TRAK2: variants seen among roughly 807,000 people sequenced by gnomAD.
TRAK2 encodes trafficking kinesin-binding protein 2.
Under a neutral mutation model 104.6 loss-of-function variants are expected in TRAK2, and 81 were observed. The ratio of observed to expected loss-of-function variants is 0.77; its 90% confidence interval spans 0.65 to 0.93. The LOEUF is 0.93. Ranked by LOEUF, TRAK2 falls within the 40% of genes least tolerant of loss-of-function variation. The pLI is 0.00. For synonymous variants in TRAK2, 406 were observed against 394.4 expected (o/e 1.03, Z -0.35); for missense variants, 1,002 against 1,089.0 (o/e 0.92, Z 1.12).
intron 1 of TRAK2, among the ~76,000 whole-genome samples, chr2:201,449,504 G>C (rs1951993275): frequency 9.1e-6 from 1 of 110,342 alleles, no homozygotes; most frequent in Non-Finnish European, 1.8e-5. Flanking sequence ...TTTTTTTTGA[G>C]ACTGAGTTTC....
chr2:201,432,045 T>G (rs1277076727), intron 1 of TRAK2, among the ~76,000 whole-genome samples: 1 of 152,236 alleles, frequency 6.6e-6, no homozygotes, highest in Non-Finnish European at 1.5e-5. Context: ...TTATTATTAG[T>G]ATTTCTATCA....
intron 10 of TRAK2, among the ~76,000 whole-genome samples, chr2:201,391,004 G>A (rs549189787): frequency 6.6e-6 from 1 of 151,894 alleles, no homozygotes; most frequent in Non-Finnish European, 1.5e-5. Context: ...TATAGTATAG[G>A]TATAGGTATG....
chr2:201,404,023 C>T (rs939028982), intron 3 of TRAK2, among the ~76,000 whole-genome samples: 3 of 152,170 alleles, frequency 2.0e-5, no homozygotes, highest in African/African-American at 7.2e-5. Context: ...TTTCTCTCTG[C>T]AGTGGAATCA....
chr2:201,450,191 T>C (rs966324309), intron 1 of TRAK2, among the ~76,000 whole-genome samples: 5 of 151,572 alleles, frequency 3.3e-5, no homozygotes, highest in African/African-American at 9.7e-5. Flanking sequence ...CCAAAGCGGG[T>C]GGATCATGAG....
chr2:201,412,562 AAT>A, intron 2 of TRAK2: 1 of 1,326,752 alleles, frequency 7.5e-7, no homozygotes, highest in Non-Finnish European at 1.1e-6. Context: ...GTTCCTAAAG[AAT>A]ATATATCACT....
intron 1 of TRAK2, among the ~76,000 whole-genome samples, chr2:201,437,028 C>G (rs1357618209): frequency 1.3e-5 from 2 of 152,106 alleles, no homozygotes; most frequent in Non-Finnish European, 2.9e-5. Flanking sequence ...AGACATAAGA[C>G]TCATTGTTTT....
rs2125638475 is a variant in TRAK2 at position 201,380,742 on chromosome 2, T to A, written c.2546A>T (p.Asn849Ile). 1 of 1,614,084 alleles carries A rather than the reference T, an allele frequency of 6.2e-7. No individual in the cohort carries two copies. The highest frequency in any genetic ancestry group is 8.5e-7 in the Non-Finnish European group (1 of 1,179,998). The change falls in exon 16 of 16, where the codon AAC becomes ATC. Residue 849 changes from asparagine to isoleucine, a missense_variant. Transcript: ENST00000332624. ...KRLGIARVVK[N>I]PGAQENGRCQ... ...TCTTCCATTCTCTTGGGCACCAGGG[T>A]TCTTGACCACTCTGGCTATCCCCAG...
chr2:201,425,924 C>T (rs981103196), intron 1 of TRAK2, among the ~76,000 whole-genome samples: 2 of 152,136 alleles, frequency 1.3e-5, no homozygotes, highest in African/African-American at 4.8e-5. Context: ...GAGAACTATG[C>T]CCACCACTCT....
chr2:201,429,427 A>G (rs2125658211), intron 1 of TRAK2, among the ~76,000 whole-genome samples: 1 of 152,314 alleles, frequency 6.6e-6, no homozygotes, highest in South Asian at 2.1e-4. Flanking sequence ...AGGTTGGGGA[A>G]GTTCTCCTGG....
chr2:201,410,806 A>G, intron 2 of TRAK2: 1 of 1,606,758 alleles, frequency 6.2e-7, no homozygotes, highest in Non-Finnish European at 8.5e-7. Context: ...AGGGCCAAAG[A>G]GATTATTAAG....
rs550884332 is a variant in TRAK2 at position 201,379,227 on chromosome 2, C to T, written c.*1316G>A. 1.7e-4 allele frequency: 26 copies of T among 152,232 alleles called. No homozygotes were observed. The highest frequency in any genetic ancestry group is 6.3e-4 in the African/African-American group (26 of 41,540). 9.4% of individuals were successfully genotyped at this position (152,232 alleles called of 1,614,324 possible). ...TGAGAAAAAACAGATCTACTTCTTT[C>T]CATTTCTTAGCCTGTGTCAACTGCT... On this transcript the variant is annotated 3_prime_UTR_variant, in exon 16 of 16. Transcript: ENST00000332624.
At chr2:201,451,319 A>C (rs1439595614) in intron 1 of TRAK2, 31 bp downstream of exon 1, 3 of 152,192 alleles carry the variant, frequency 2.0e-5, no homozygotes, top group Non-Finnish European at 4.4e-5. Context: ...GTCAAGGGCA[A>C]GTTCGGGTTC....
rs1951298957 is a variant in TRAK2 at position 201,377,461 on chromosome 2, C to T, written c.*3082G>A. On this transcript the variant is annotated 3_prime_UTR_variant, in exon 16 of 16. Coordinates refer to ENST00000332624, the MANE Select transcript of TRAK2 (RefSeq NM_015049.3). Reference sequence around the variant, plus strand: ...TGCATCTGACATCAGAGAAGTGGCCCACTAAACACTAAGAGCCCTAGTTCT... The same window carrying T: ...TGCATCTGACATCAGAGAAGTGGCCTACTAAACACTAAGAGCCCTAGTTCT... 1 of 152,186 alleles carries T rather than the reference C, an allele frequency of 6.6e-6. No individual in the cohort carries two copies. The highest frequency in any genetic ancestry group is 2.1e-4 in the South Asian group (1 of 4,832). The allele number at this position is 152,186 out of a possible 1,614,324, so 9.4% of individuals were successfully genotyped here.
At chr2:201,439,542 T>C (rs10497869) in intron 1 of TRAK2, among the ~76,000 whole-genome samples, 4,403 of 152,168 alleles carry the variant, frequency 0.029, 218 homozygotes, top group African/African-American at 0.1. Flanking sequence ...GAAAATAATT[T>C]GATGACTCAG....
intron 15 of TRAK2, among the ~76,000 whole-genome samples, chr2:201,383,536 G>T (rs1951361289): frequency 6.6e-6 from 1 of 152,184 alleles, no homozygotes; most frequent in Admixed American, 6.5e-5. Context: ...TATTCTGTGT[G>T]TACTGCCACA....
chr2:201,412,173 C>G, intron 2 of TRAK2: 1 of 971,874 alleles, frequency 1.0e-6, no homozygotes, highest in Middle Eastern at 2.1e-4. Flanking sequence ...GGTACCATGT[C>G]AGGGTTTACA....
chr2:201,416,047 CA>C (rs60725925), intron 2 of TRAK2, among the ~76,000 whole-genome samples: 2,544 of 151,826 alleles, frequency 0.017, 35 homozygotes, highest in Middle Eastern at 0.041. Context: ...AACACATGGA[CA>C]AAAAGCCAAT....
chr2:201,411,698 G>A, intron 2 of TRAK2: 2 of 779,376 alleles, frequency 2.6e-6, no homozygotes, highest in Non-Finnish European at 4.7e-6. Context: ...TACCCATGAG[G>A]ACTGCAGACT....
At chr2:201,446,881 G>C (rs1393214544) in intron 1 of TRAK2, among the ~76,000 whole-genome samples, 1 of 152,158 alleles carries the variant, frequency 6.6e-6, no homozygotes, top group African/African-American at 2.4e-5. Context: ...ACAAGGAAAA[G>C]CAAAATGTCA....
Sources: gnomAD v4.1 joint callset for allele counts (sites outside exome capture counted in the v4.1 genomes callset) on GRCh38, gnomAD v4.1.1 for gene constraint, MANE v1.5 for transcripts, NCBI Gene and HGNC (gene_info 2026-07-23, HGNC 2026-07-21) for gene names.